SYNE2: variants seen among roughly 807,000 people sequenced by gnomAD.
SYNE2 encodes the protein spectrin repeat containing nuclear envelope protein 2, also known as nesprin-2.
SYNE2 carries 431 observed loss-of-function variants against 856.3 expected under a neutral mutation model. That is an observed-to-expected ratio of 0.50 (90% confidence interval 0.47 to 0.55). SYNE2 has a LOEUF of 0.55. Among genes scored for constraint, SYNE2 ranks in the 20% least tolerant of loss-of-function variants. The pLI is 0.00. For synonymous variants in SYNE2, 2,923 were observed against 2,872.3 expected (o/e 1.02, Z -0.56); for missense variants, 8,129 against 8,023.2 (o/e 1.01, Z -0.50).
intron 8 of SYNE2, 35 bp from the exon 9 acceptor site, chr14:63,961,490 G>A (rs746346551): frequency 8.7e-5 from 134 of 1,533,682 alleles, no homozygotes; most frequent in East Asian, 2.3e-5. Flanking sequence ...TAGTAAATGT[G>A]TAACAGCTAA....
chr14:64,030,445 C>T (rs963222718), intron 44 of SYNE2, among the ~76,000 whole-genome samples: 1 of 152,216 alleles, frequency 6.6e-6, no homozygotes, highest in Non-Finnish European at 1.5e-5. Flanking sequence ...GTACATCGTT[C>T]ACCTAGATTT....
upstream of SYNE2, among the ~76,000 whole-genome samples, chr14:63,850,296 C>T (rs536643783): frequency 6.7e-6 from 1 of 148,528 alleles, no homozygotes; most frequent in East Asian, 2.0e-4. Context: ...CCATGTTGGC[C>T]AGGCTGGTCT....
At chr14:63,827,494 G>A (rs1481263121) in intron 1 of SYNE2, among the ~76,000 whole-genome samples, 5 of 150,382 alleles carry the variant, frequency 3.3e-5, no homozygotes, top group African/African-American at 9.8e-5. Context: ...GTGTGGTGGC[G>A]CATGCCTGTA....
At chr14:63,896,703 C>T (rs571009885) in intron 1 of SYNE2, among the ~76,000 whole-genome samples, 2 of 152,286 alleles carry the variant, frequency 1.3e-5, no homozygotes, top group African/African-American at 2.4e-5. Flanking sequence ...TCTCCTGACT[C>T]TAAGTCTAGT....
intron 90 of SYNE2, chr14:64,167,005 T>C (rs2098383635): frequency 1.7e-6 from 1 of 580,278 alleles, no homozygotes; most frequent in Admixed American, 3.0e-5. Context: ...TTCTATTTCC[T>C]GGGCTGTTTG....
At chr14:63,937,418 G>A (rs924981670) in intron 2 of SYNE2, among the ~76,000 whole-genome samples, 6 of 152,198 alleles carry the variant, frequency 3.9e-5, no homozygotes, top group Admixed American at 2.6e-4. Context: ...ATGTTCTTGC[G>A]TTGGAGCACA....
At chr14:64,062,140 T>G (rs2097322464) in intron 49 of SYNE2, among the ~76,000 whole-genome samples, 1 of 152,162 alleles carries the variant, frequency 6.6e-6, no homozygotes, top group Admixed American at 6.5e-5. Context: ...ATTTTAAAAT[T>G]TTATAACAGT....
chr14:63,767,061 A>G (rs1886711672), intron 1 of SYNE2, among the ~76,000 whole-genome samples: 1 of 152,168 alleles, frequency 6.6e-6, no homozygotes, highest in African/African-American at 2.4e-5. Flanking sequence ...AAATATGCCA[A>G]AATGGCAGGG....
In SYNE2 at chr14:64,003,341, T is replaced by A; in HGVS notation, c.4397+11T>A. 2 of 1,613,936 alleles carry A rather than the reference T, an allele frequency of 1.2e-6. No individual in the cohort carries two copies. The highest frequency in any genetic ancestry group is 1.7e-6 in the Non-Finnish European group (2 of 1,179,990). ...AGCTGTGAAACATCGGTAAGTATTG[T>A]CCATCCATTTCCATCCAAGGTGACT... On this transcript the variant is annotated intron_variant, in intron 30 of 115. Transcript: ENST00000555002.
At chr14:63,976,537 GTTCTT>G (rs778251181) in intron 11 of SYNE2, 21 bp from the exon 12 acceptor site, 6 of 1,301,058 alleles carry the variant, frequency 4.6e-6, no homozygotes, top group Non-Finnish European at 6.4e-6. Context: ...TGAAGAATAT[GTTCTT>G]TTTTTTTTTT....
chr14:63,777,379 T>C (rs890636476), intron 1 of SYNE2, among the ~76,000 whole-genome samples: 1 of 152,180 alleles, frequency 6.6e-6, no homozygotes, highest in Admixed American at 6.6e-5. Context: ...TCATACAAAC[T>C]GGTATACAGG....
intron 1 of SYNE2, among the ~76,000 whole-genome samples, chr14:63,867,057 A>G (rs1200044743): frequency 6.6e-6 from 1 of 152,240 alleles, no homozygotes; most frequent in Non-Finnish European, 1.5e-5. Flanking sequence ...AGCCTATAAC[A>G]CAGAAACCAT....
At chr14:64,066,607 T>C (rs2097360361) in intron 51 of SYNE2, among the ~76,000 whole-genome samples, 1 of 152,272 alleles carries the variant, frequency 6.6e-6, no homozygotes, top group African/African-American at 2.4e-5. Context: ...ATGAATTTTA[T>C]GTCAGTGGTC....
chr14:63,970,811 C>A (rs1255683989), intron 11 of SYNE2, among the ~76,000 whole-genome samples: 1 of 151,644 alleles, frequency 6.6e-6, no homozygotes, highest in Non-Finnish European at 1.5e-5. Context: ...CGCCACCATG[C>A]CTGGCTAATT....
chr14:64,060,547 C>T (rs1437569584), intron 49 of SYNE2, among the ~76,000 whole-genome samples: 1 of 152,098 alleles, frequency 6.6e-6, no homozygotes, highest in Non-Finnish European at 1.5e-5. Context: ...CTCTTCCCTC[C>T]CCTCTCCTCA....
intron 80 of SYNE2, 142 bp downstream of exon 80, chr14:64,140,215 A>G: frequency 1.3e-6 from 1 of 765,940 alleles, no homozygotes; most frequent in Admixed American, 2.0e-5. Flanking sequence ...GTGTTCTTCA[A>G]ACCTAGAACT....
chr14:63,891,903 T>G (rs991279414), intron 1 of SYNE2, among the ~76,000 whole-genome samples: 3 of 152,158 alleles, frequency 2.0e-5, no homozygotes, highest in African/African-American at 4.8e-5. Context: ...TCACTCTGCC[T>G]TTGCCCATTT....
chr14:63,851,965 A>C (rs1890509790), upstream of SYNE2, among the ~76,000 whole-genome samples: 1 of 43,300 alleles, frequency 2.3e-5, no homozygotes, highest in South Asian at 1.7e-3. Context: ...CTGTGGTCCC[A>C]GCTACTAAGC....
At chr14:64,190,808 AT>A in intron 99 of SYNE2, 1 of 671,552 alleles carries the variant, frequency 1.5e-6, no homozygotes, top group Non-Finnish European at 2.7e-6. Flanking sequence ...TCAAAGCTAT[AT>A]TGGCCAGTGC....
Sources: allele counts gnomAD v4.1 joint callset (sites outside exome capture counted in the v4.1 genomes callset), GRCh38; gene constraint gnomAD v4.1.1; transcripts MANE v1.5; gene names NCBI Gene and HGNC (gene_info 2026-07-23, HGNC 2026-07-21).